Variants in SLC26A7 observed in about 807,000 individuals in gnomAD.
SLC26A7 encodes solute carrier family 26 member 7.
Under a neutral mutation model 82.5 loss-of-function variants are expected in SLC26A7, and 59 were observed. The observed-to-expected ratio is 0.72, with a 90% CI of 0.58 to 0.89. SLC26A7 has a LOEUF of 0.89. Ranked by LOEUF, SLC26A7 falls within the 40% of genes least tolerant of loss-of-function variation. SLC26A7 has a pLI of 0.00. For synonymous variants in SLC26A7, 271 were observed against 274.3 expected (o/e 0.99, Z 0.12); for missense variants, 820 against 793.0 (o/e 1.03, Z -0.41).
At chr8:91,360,164 T>A (rs1176701567) in intron 11 of SLC26A7, among the ~76,000 whole-genome samples, 1 of 152,098 alleles carries the variant, frequency 6.6e-6, no homozygotes, top group Admixed American at 6.6e-5. Context: ...GTAATAGGGA[T>A]CTGCCACAAA....
At chr8:91,377,736 G>A (rs1463232631) in intron 15 of SLC26A7, among the ~76,000 whole-genome samples, 2 of 152,148 alleles carry the variant, frequency 1.3e-5, no homozygotes, top group African/African-American at 4.8e-5. Context: ...TCACAGGGGT[G>A]AGGGGAACAG....
rs375303262 is a variant in SLC26A7, at chr8:91,334,255, T to A, written c.643-40T>A. ...TATTTTCATGTTGGTATATTATAGG[T>A]GACCCTGAATTTTGTTTGTATTTTT... On this transcript the variant is annotated intron_variant, in intron 5 of 18. Transcript: ENST00000276609. 3.6e-5 allele frequency: 56 copies of A among 1,573,842 alleles called. No individual in the cohort carries two copies. The African/African-American group carries it at 6.8e-4, about 19-fold the overall frequency.
At chr8:91,269,253 A>G (rs1472863970) in intron 2 of SLC26A7, among the ~76,000 whole-genome samples, 1 of 151,998 alleles carries the variant, frequency 6.6e-6, no homozygotes, top group Non-Finnish European at 1.5e-5. Flanking sequence ...AACTTTCTTT[A>G]GCATTTTATG....
At chr8:91,301,061 C>A (rs1812152523) in intron 4 of SLC26A7, among the ~76,000 whole-genome samples, 1 of 152,164 alleles carries the variant, frequency 6.6e-6, no homozygotes, top group Non-Finnish European at 1.5e-5. Context: ...TAATATTGAA[C>A]CAACTTTAAA....
At chr8:91,354,928 A>G (rs1197154513) in intron 11 of SLC26A7, among the ~76,000 whole-genome samples, 1 of 152,000 alleles carries the variant, frequency 6.6e-6, no homozygotes, top group Non-Finnish European at 1.5e-5. Flanking sequence ...AAGGATTCTC[A>G]TACTCGTTAT....
Position 91,221,535 on chromosome 8 carries a change from A to T in SLC26A7, c.-34+2530A>T, listed in dbSNP as rs190174654. On this transcript the variant is annotated intron_variant, in intron 2 of 5. Transcript: ENST00000522862. Reference sequence around the variant, plus strand: ...TACATTAAGTCTTTAATCCATCTTGAGTTAGTTTTTGTATAAGGTGTAAGG... The same window carrying T: ...TACATTAAGTCTTTAATCCATCTTGTGTTAGTTTTTGTATAAGGTGTAAGG... Among the ~76,000 whole-genome samples the T allele has an allele frequency of 3.9e-5, 6 of 152,064 alleles. No individual in the cohort carries two copies. In the East Asian group the frequency reaches 9.7e-4, roughly 24 times the overall value.
rs975623843 is a variant in SLC26A7 at position 91,396,368 on chromosome 8, G to A, written c.*1271G>A. On this transcript the variant is annotated 3_prime_UTR_variant, in exon 19 of 19. Transcript: ENST00000276609. ...GTAAGAAAAAGCTAGGTACTTTAAA[G>A]TGAGTTTGAGAAACAAGTTGAAACT... 10 of 151,956 alleles carry A rather than the reference G, an allele frequency of 6.6e-5. No individual in the cohort carries two copies. Among genetic ancestry groups the A allele is most frequent in the Non-Finnish European group, 1.2e-4 (8 of 67,874 alleles). The allele number at this position is 151,956 out of a possible 1,614,324, so 9.4% of individuals were successfully genotyped here. A position where few individuals can be genotyped will look rare whatever the true frequency, so the allele number is the denominator to read the frequency against.
chr8:91,274,804 A>G (rs772722469), intron 2 of SLC26A7, among the ~76,000 whole-genome samples: 11 of 152,228 alleles, frequency 7.2e-5, no homozygotes, highest in Non-Finnish European at 1.6e-4. Flanking sequence ...ATACTTCTAG[A>G]TTTTAGCTTT....
At chr8:91,378,452 AATAT>A (rs1035991860) in intron 15 of SLC26A7, among the ~76,000 whole-genome samples, 23 of 147,362 alleles carry the variant, frequency 1.6e-4, no homozygotes, top group Non-Finnish European at 3.1e-4. Context: ...AGTATATATA[AATAT>A]ATAATTTTAT....
At chr8:91,343,073 A>G (rs1183059130) in intron 8 of SLC26A7, 2 of 293,412 alleles carry the variant, frequency 6.8e-6, no homozygotes, top group African/African-American at 4.3e-5. Flanking sequence ...TGTGACCTAA[A>G]GATGGAGGAG....
At chr8:91,304,669 C>T (rs1812255122) in intron 4 of SLC26A7, among the ~76,000 whole-genome samples, 1 of 152,226 alleles carries the variant, frequency 6.6e-6, no homozygotes, top group Admixed American at 6.5e-5. Context: ...ACTTCCTTAA[C>T]TGCTGCTATG....
intron 2 of SLC26A7, among the ~76,000 whole-genome samples, chr8:91,230,236 A>G (rs1810293737): frequency 6.6e-6 from 1 of 152,194 alleles, no homozygotes; most frequent in South Asian, 2.1e-4. Flanking sequence ...TTTGTTTAAT[A>G]TGAGTAAGCT....
chr8:91,304,253 T>A (rs1336114754), intron 4 of SLC26A7, among the ~76,000 whole-genome samples: 1 of 152,226 alleles, frequency 6.6e-6, no homozygotes, highest in Non-Finnish European at 1.5e-5. Flanking sequence ...AAATCTCATG[T>A]TGGATTATTA....
chr8:91,227,314 T>G (rs1274282454), intron 2 of SLC26A7, among the ~76,000 whole-genome samples: 1 of 152,230 alleles, frequency 6.6e-6, no homozygotes, highest in Non-Finnish European at 1.5e-5. Flanking sequence ...AATTTTTGTT[T>G]TTCACTCACA....
chr8:91,264,593 C>A (rs1386543733), intron 2 of SLC26A7, among the ~76,000 whole-genome samples: 1 of 151,946 alleles, frequency 6.6e-6, no homozygotes, highest in Non-Finnish European at 1.5e-5. Context: ...GATGTTGTTT[C>A]TATTGTTGAT....
Position 91,289,216 on chromosome 8 carries a change from A to T in SLC26A7, c.274A>T (p.Ile92Leu), listed in dbSNP as rs139913412. The T allele has an allele frequency of 1.9e-6, 3 of 1,613,626 alleles. No homozygotes were observed. The highest frequency in any genetic ancestry group is 2.2e-5 in the South Asian group (2 of 91,080). The change falls in exon 3 of 19, where the codon ATA (isoleucine) becomes TTA (leucine). Residue 92 changes from isoleucine to leucine, a missense_variant. Ile to Leu is a conservative substitution (Grantham distance 5, BLOSUM62 2). Transcript: ENST00000276609. ...GSLFPAIIYA[I>L]FGMGHHVATG... Reference sequence around the variant, plus strand: ...TCTGTTTCCTGCCATAATTTATGCCATATTTGGAATGGGACATCATGTTGC... The same window carrying T: ...TCTGTTTCCTGCCATAATTTATGCCTTATTTGGAATGGGACATCATGTTGC...
At chr8:91,357,963 A>T (rs1813920539) in intron 11 of SLC26A7, among the ~76,000 whole-genome samples, 1 of 152,226 alleles carries the variant, frequency 6.6e-6, no homozygotes, top group South Asian at 2.1e-4. Context: ...ATGAATAGAC[A>T]CTTCTCAAAA....
intron 2 of SLC26A7, among the ~76,000 whole-genome samples, chr8:91,279,135 A>ATATATATATATATATATATATG (rs1811491909): frequency 3.5e-5 from 3 of 86,360 alleles, no homozygotes; most frequent in Non-Finnish European, 7.3e-5. Flanking sequence ...GTATATATAT[A>ATATATATATATATATATATATG]TATATATATA....
At position 91,396,652 on chromosome 8, in the gene SLC26A7, A is replaced by T. The variant is rs1263087877; in HGVS notation, c.*1555A>T. ...ACTACAAAGAATAGTGTTTGTCCCT[A>T]TGGTAGCCTCAGTCTCTTTATCACT... On this transcript the variant is annotated 3_prime_UTR_variant, in exon 19 of 19. Coordinates refer to ENST00000276609, the MANE Select transcript of SLC26A7 (RefSeq NM_052832.4). 1.3e-5 allele frequency: 2 copies of T among 152,062 alleles called. No individual in the cohort carries two copies. The highest frequency in any genetic ancestry group is 4.1e-4 in the South Asian group (2 of 4,832). The allele number at this position is 152,062 out of a possible 1,614,324, so 9.4% of individuals were successfully genotyped here.
Sources: allele counts gnomAD v4.1 joint callset (sites outside exome capture counted in the v4.1 genomes callset), GRCh38; gene constraint gnomAD v4.1.1; transcripts MANE v1.5; gene names NCBI Gene and HGNC (gene_info 2026-07-23, HGNC 2026-07-21).